The following COL25A1 variants were observed in gnomAD, a reference collection of about 807,000 sequenced individuals.
COL25A1 encodes the protein collagen type XXV alpha 1 chain.
In COL25A1, 103 loss-of-function variants were observed where a neutral mutation model predicts 128.4. That is an observed-to-expected ratio of 0.80 (90% CI 0.68 to 0.94). The LOEUF (loss-of-function observed/expected upper bound fraction) is 0.94. COL25A1 is among the 40% of genes least tolerant of loss of function. The probability of loss-of-function intolerance (pLI) is 0.00; values close to 1 mark genes in which losing one functional copy is unlikely to be tolerated. For synonymous variants in COL25A1, 279 were observed against 277.2 expected, an observed-to-expected ratio of 1.01 and a Z score of -0.06; for missense variants, 745 against 840.0, an observed-to-expected ratio of 0.89 and a Z score of 1.40.
intron 3 of COL25A1, among the ~76,000 whole-genome samples, chr4:109,220,868 T>TAA: frequency 6.6e-6 from 1 of 152,298 alleles, no homozygotes; most frequent in South Asian, 2.1e-4. Flanking sequence ...TCTGCATTTA[T>TAA]AATTCCTCTG....
At chr4:109,090,641 G>C (rs1399815165) in intron 3 of COL25A1, among the ~76,000 whole-genome samples, 3 of 152,072 alleles carry the variant, frequency 2.0e-5, no homozygotes, top group African/African-American at 7.2e-5. Flanking sequence ...TTTTAAAAAA[G>C]CAAAAACCTT....
At chr4:109,068,116 C>T (rs1315808729) in intron 3 of COL25A1, among the ~76,000 whole-genome samples, 1 of 152,180 alleles carries the variant, frequency 6.6e-6, no homozygotes, top group African/African-American at 2.4e-5. Flanking sequence ...GGAAGCTGGC[C>T]AGTGCAGTAA....
intron 3 of COL25A1, among the ~76,000 whole-genome samples, chr4:109,145,334 T>C (rs905570246): frequency 6.6e-6 from 1 of 152,148 alleles, no homozygotes; most frequent in Non-Finnish European, 1.5e-5. Flanking sequence ...CCCAAAGTGC[T>C]AGGATTACAG....
chr4:109,015,132 A>G (rs1041200474), intron 5 of COL25A1, among the ~76,000 whole-genome samples: 3 of 152,262 alleles, frequency 2.0e-5, no homozygotes, highest in Non-Finnish European at 4.4e-5. Flanking sequence ...AGTGTCTCAG[A>G]AACTTCCTAG....
At chr4:109,278,050 G>T (rs146637167) in intron 3 of COL25A1, among the ~76,000 whole-genome samples, 52 of 151,832 alleles carry the variant, frequency 3.4e-4, no homozygotes, top group African/African-American at 1.2e-3. Context: ...CAGAAGAATC[G>T]CTTGAACCCA....
intron 6 of COL25A1, among the ~76,000 whole-genome samples, chr4:109,004,559 G>C (rs1288842676): frequency 6.6e-6 from 1 of 152,098 alleles, no homozygotes; most frequent in Admixed American, 6.5e-5. Flanking sequence ...CCTGGTGGGA[G>C]GTGACTGGAT....
At chr4:109,210,201 A>G (rs1251836964) in intron 3 of COL25A1, among the ~76,000 whole-genome samples, 4 of 152,150 alleles carry the variant, frequency 2.6e-5, no homozygotes, top group Admixed American at 2.0e-4. Context: ...ACTAAGAGGT[A>G]AAAGGCTCCT....
chr4:109,254,627 C>T (rs1780963385), intron 3 of COL25A1, among the ~76,000 whole-genome samples: 1 of 151,044 alleles, frequency 6.6e-6, no homozygotes, highest in South Asian at 2.1e-4. Context: ...ATGATGTACT[C>T]ATCTTTCTGT....
chr4:109,019,552 C>T (rs1403914630), intron 5 of COL25A1, among the ~76,000 whole-genome samples: 1 of 151,856 alleles, frequency 6.6e-6, no homozygotes, highest in Non-Finnish European at 1.5e-5. Flanking sequence ...GCAGGCACGT[C>T]TTACATGGTG....
chr4:108,867,608 C>A (rs747177003), intron 20 of COL25A1, among the ~76,000 whole-genome samples: 1 of 152,112 alleles, frequency 6.6e-6, no homozygotes, highest in Non-Finnish European at 1.5e-5. Flanking sequence ...TTTCACTTGA[C>A]CAGCAGAAAT....
At position 108,911,539 on chromosome 4, in the gene COL25A1, G is replaced by C. The variant is rs116730593; in HGVS notation, c.780+6633C>G. Among the ~76,000 whole-genome samples the C allele has an allele frequency of 6.3e-3, 960 of 152,294 alleles. 10 individuals carry two copies. Among genetic ancestry groups the C allele is most frequent in the African/African-American group, 0.022 (914 of 41,568 alleles). The stretch of plus-strand genomic sequence containing the variant: ...TGAGGCAGAGACAGCTGTAAACTCA[G>C]TGTTCAGTTGGTGCCTCACACTTAG... On this transcript the variant is annotated intron_variant, in intron 13 of 37. Coordinates refer to ENST00000399132, the MANE Select transcript of COL25A1 (RefSeq NM_198721.4).
rs140746717 is a variant in COL25A1, at chr4:108,912,586, A to G, written c.780+5586T>C. Among the ~76,000 whole-genome samples the G allele has an allele frequency of 2.2e-3, 339 of 152,298 alleles. 2 individuals carry two copies. Among genetic ancestry groups the G allele is most frequent in the African/African-American group, 7.8e-3 (325 of 41,590 alleles). On this transcript the variant is annotated intron_variant, in intron 13 of 37. Transcript: ENST00000399132. ...ATTTTAAGCTAATTAACTAGAAAAC[A>G]AAAACAGCCCTACAACATGTTGAAA...
chr4:108,980,225 T>A (rs1054804173), intron 6 of COL25A1, among the ~76,000 whole-genome samples: 19 of 152,166 alleles, frequency 1.2e-4, no homozygotes, highest in African/African-American at 4.6e-4. Flanking sequence ...TTAGGAAGTA[T>A]TTGCCTTGGT....
At chr4:108,847,055 G>A (rs1323146440) in intron 27 of COL25A1, among the ~76,000 whole-genome samples, 2 of 151,656 alleles carry the variant, frequency 1.3e-5, no homozygotes, top group Non-Finnish European at 2.9e-5. Flanking sequence ...ACAAGCATGC[G>A]CCACCATGCC....
chr4:108,962,977 C>T (rs1322899669), intron 8 of COL25A1, among the ~76,000 whole-genome samples: 1 of 152,176 alleles, frequency 6.6e-6, no homozygotes, highest in South Asian at 2.1e-4. Flanking sequence ...GATTTACAGG[C>T]TGTGTCTGCT....
intron 3 of COL25A1, among the ~76,000 whole-genome samples, chr4:109,271,839 G>A (rs1782218022): frequency 6.6e-6 from 1 of 152,118 alleles, no homozygotes; most frequent in Non-Finnish European, 1.5e-5. Context: ...GAATTTGCAG[G>A]AAAAAATTCC....
At chr4:109,045,236 A>T (rs1439891749) in intron 5 of COL25A1, among the ~76,000 whole-genome samples, 1 of 152,164 alleles carries the variant, frequency 6.6e-6, no homozygotes, top group Non-Finnish European at 1.5e-5. Context: ...TTTTCTGTCA[A>T]TAGTAGGTTA....
chr4:108,901,490 A>G (rs2125865887), intron 13 of COL25A1, among the ~76,000 whole-genome samples: 1 of 152,230 alleles, frequency 6.6e-6, no homozygotes, highest in East Asian at 1.9e-4. Flanking sequence ...AGTAAAAGAC[A>G]ACTGAAAATA....
chr4:109,196,480 T>A (rs1350909194), intron 3 of COL25A1, among the ~76,000 whole-genome samples: 1 of 152,168 alleles, frequency 6.6e-6, no homozygotes, highest in Non-Finnish European at 1.5e-5. Context: ...GTTAGATGCA[T>A]TTACTCTAAT....
Sources: allele counts gnomAD v4.1 joint callset (sites outside exome capture counted in the v4.1 genomes callset), GRCh38; gene constraint gnomAD v4.1.1; transcripts MANE v1.5; gene names NCBI Gene and HGNC (gene_info 2026-07-23, HGNC 2026-07-21).